The following PLCG2 variants were observed in gnomAD, a reference collection of about 807,000 sequenced individuals.
The protein encoded by PLCG2 is 1-phosphatidylinositol 4,5-bisphosphate phosphodiesterase gamma-2.
PLCG2 carries 69 observed loss-of-function variants against 175.6 expected under a neutral mutation model. The observed-to-expected ratio is 0.39, with a 90% CI of 0.32 to 0.48. PLCG2 has a LOEUF of 0.48. PLCG2 is among the 20% of genes least tolerant of loss of function. PLCG2 has a pLI of 0.91. For synonymous variants in PLCG2, 827 were observed against 624.0 expected (o/e 1.33, Z -4.85); for missense variants, 1,798 against 1,650.9 (o/e 1.09, Z -1.54).
At chr16:81,932,872 C>T (rs1412317371) in intron 25 of PLCG2, among the ~76,000 whole-genome samples, 21 of 152,246 alleles carry the variant, frequency 1.4e-4, no homozygotes, top group South Asian at 4.1e-4. Context: ...TAGCCAGCTG[C>T]GCTGTCCTTC....
intron 29 of PLCG2, among the ~76,000 whole-genome samples, 193 bp from the exon 30 acceptor site, chr16:81,939,699 C>G (rs1235281164): frequency 6.6e-6 from 1 of 152,230 alleles, no homozygotes; most frequent in African/African-American, 2.4e-5. Flanking sequence ...CAGCCTGCAA[C>G]AGCAGCTTCC....
intron 2 of PLCG2, among the ~76,000 whole-genome samples, chr16:81,823,067 A>G (rs1904875386): frequency 6.6e-6 from 1 of 152,270 alleles, no homozygotes; most frequent in Non-Finnish European, 1.5e-5. Context: ...TAATTGGTGC[A>G]GCAGCCGTAG....
intron 2 of PLCG2, among the ~76,000 whole-genome samples, chr16:81,847,536 A>C (rs1029493782): frequency 2.0e-4 from 30 of 152,248 alleles, no homozygotes; most frequent in African/African-American, 7.0e-4. Context: ...ACAAAAAGAT[A>C]CTTATCACTG....
In PLCG2 at chr16:81,960,409, C is replaced by A. The variant is rs576171715; in HGVS notation, c.*2411C>A. 4.4e-6 allele frequency: 1 copy of A among 225,088 alleles called. No homozygotes were observed. Among genetic ancestry groups the A allele is most frequent in the Middle Eastern group, 1.4e-3 (1 of 730 alleles). The allele number at this position is 225,088 out of a possible 1,614,324, so 13.9% of individuals were successfully genotyped here. ...AGCAGCACTGATAGATCAAAACCAC[C>A]ACTGCATATGTATTACACTGTTTTT... is the stretch of plus-strand genomic sequence containing the variant. On this transcript the variant is annotated 3_prime_UTR_variant, in exon 33 of 33. Coordinates refer to ENST00000564138, the MANE Select transcript of PLCG2 (RefSeq NM_002661.5).
At position 81,920,119 on chromosome 16, in the gene PLCG2, G is replaced by C. The variant is rs556510686; in HGVS notation, c.2235+455G>C. 6.6e-5 allele frequency among the ~76,000 whole-genome samples: 10 copies of C among 152,326 alleles called. No homozygotes were observed. In the East Asian group the frequency reaches 1.9e-3, roughly 29 times the overall value. On this transcript the variant is annotated intron_variant, in intron 20 of 32. Transcript: ENST00000564138. ...AGTCAGCATGGCCGGAATCAAGCCA[G>C]CCCAGGTGGGGGTAGAGCTAAATAA...
chr16:81,836,991 T>C (rs1189477401), intron 2 of PLCG2, among the ~76,000 whole-genome samples: 1 of 152,122 alleles, frequency 6.6e-6, no homozygotes, highest in Admixed American at 6.5e-5. Context: ...AGCCGAAAGG[T>C]CCTTAGTAGG....
At chr16:81,888,491 T>A (rs561292453) in intron 9 of PLCG2, among the ~76,000 whole-genome samples, 1 of 152,216 alleles carries the variant, frequency 6.6e-6, no homozygotes, top group Non-Finnish European at 1.5e-5. Context: ...CCTACCAAAG[T>A]GGGTCTGAGC....
chr16:81,911,990 G>C (rs1005332459), intron 18 of PLCG2, among the ~76,000 whole-genome samples: 2 of 151,728 alleles, frequency 1.3e-5, no homozygotes, highest in African/African-American at 2.4e-5. Context: ...GTAGAGACAG[G>C]GTTTCACCGT....
chr16:81,773,522 A>G (rs1034249588), intron 2 of PLCG2, among the ~76,000 whole-genome samples: 1 of 152,162 alleles, frequency 6.6e-6, no homozygotes, highest in African/African-American at 2.4e-5. Context: ...TCTGTGTCCC[A>G]TGTTTTCAGC....
chr16:81,888,281 G>C (rs1040154605), intron 9 of PLCG2, among the ~76,000 whole-genome samples: 2 of 152,078 alleles, frequency 1.3e-5, no homozygotes, highest in Admixed American at 6.6e-5. Context: ...TACAACCTCG[G>C]TTCATTGCAA....
intron 2 of PLCG2, among the ~76,000 whole-genome samples, chr16:81,845,022 GA>G (rs1385273485): frequency 9.8e-5 from 15 of 152,312 alleles, no homozygotes; most frequent in Non-Finnish European, 1.9e-4. Flanking sequence ...TCAAACTCCT[GA>G]GCTCAAGCAA....
rs1309493670 is a variant in PLCG2, at chr16:81,824,433, C to T, written c.194-30011C>T. ...ACAAGCGTGAGCCACTGCACATGGC[C>T]CCAGCCACTTATTTTCTTGTGATTT... On this transcript the variant is annotated intron_variant, in intron 2 of 32. Coordinates refer to ENST00000564138, the MANE Select transcript of PLCG2 (RefSeq NM_002661.5). Among the ~76,000 whole-genome samples the T allele has an allele frequency of 2.6e-5, 4 of 152,188 alleles. No homozygotes were observed. The East Asian group carries it at 7.7e-4, about 29-fold the overall frequency.
intron 2 of PLCG2, among the ~76,000 whole-genome samples, chr16:81,829,415 AC>A (rs755159859): frequency 2.0e-5 from 3 of 152,040 alleles, no homozygotes; most frequent in Non-Finnish European, 4.4e-5. Context: ...AGCCAGTTTC[AC>A]CATGTTGACC....
intron 13 of PLCG2, chr16:81,898,246 C>G (rs895688452): frequency 6.5e-6 from 1 of 154,494 alleles, no homozygotes. Flanking sequence ...ACTCTGTAAT[C>G]AAACATTAAT....
intron 13 of PLCG2, chr16:81,897,875 G>C (rs777852139): frequency 2.4e-5 from 11 of 455,666 alleles, no homozygotes; most frequent in African/African-American, 8.0e-5. Context: ...ATTTACTGCA[G>C]ATGTCCCTTG....
rs1905331660 is a variant in PLCG2, at chr16:81,833,032, T to C, written c.194-21412T>C. Among the ~76,000 whole-genome samples, 3 of 152,110 alleles carry C rather than the reference T, an allele frequency of 2.0e-5. No homozygotes were observed. In the South Asian group the frequency reaches 6.2e-4, roughly 32 times the overall value. ...TGTGATGAGGACCTGGAAAGGGAAG[T>C]CCAGAAGCGGAAGGCAACCTCTCAG... On this transcript the variant is annotated intron_variant, in intron 2 of 32. Coordinates refer to ENST00000564138, the MANE Select transcript of PLCG2 (RefSeq NM_002661.5).
rs570902958 is a variant in PLCG2 at position 81,755,536 on chromosome 16, T to G, written c.-144-334T>G. Among the ~76,000 whole-genome samples the G allele has an allele frequency of 2.0e-3, 305 of 149,444 alleles. 3 individuals carry two copies. The highest frequency in any genetic ancestry group is 7.1e-3 in the African/African-American group (288 of 40,430). On this transcript the variant is annotated intron_variant, in intron 1 of 5. Coordinates refer to the PLCG2 transcript ENST00000565054. ...CTGTTTCTTTAACGTCAGCTTCTCTTATTTTTTGAGACAGAGTTTCACTCT... is the reference window on the plus strand; with the variant it reads ...CTGTTTCTTTAACGTCAGCTTCTCTGATTTTTTGAGACAGAGTTTCACTCT...
At chr16:81,935,593 T>G in intron 26 of PLCG2, 2 of 985,278 alleles carry the variant, frequency 2.0e-6, no homozygotes, top group Non-Finnish European at 2.4e-6. Flanking sequence ...GGGAGGCCAG[T>G]CCCTAGGAAC....
intron 5 of PLCG2, among the ~76,000 whole-genome samples, chr16:81,866,794 C>T (rs1597362876): frequency 1.3e-5 from 2 of 152,238 alleles, no homozygotes; most frequent in East Asian, 1.9e-4. Flanking sequence ...GATCTGGCTC[C>T]TCTCCCCACG....
Sources: allele counts gnomAD v4.1 joint callset (sites outside exome capture counted in the v4.1 genomes callset), GRCh38; gene constraint gnomAD v4.1.1; transcripts MANE v1.5; gene names NCBI Gene and HGNC (gene_info 2026-07-23, HGNC 2026-07-21).